The following ARHGAP15 variants were observed in gnomAD, a reference collection of about 807,000 sequenced individuals.
The protein encoded by ARHGAP15 is Rho GTPase activating protein 15.
Under a neutral mutation model 63.7 loss-of-function variants are expected in ARHGAP15, and 51 were observed. The observed-to-expected ratio is 0.80, with a 90% CI of 0.64 to 1.01. The LOEUF is 1.01. Among genes scored for constraint, ARHGAP15 ranks in the 50% least tolerant of loss-of-function variants. The pLI, the probability that ARHGAP15 is intolerant of heterozygous loss-of-function variation, is 0.00. For missense variants in ARHGAP15, 560 were observed against 564.6 expected (o/e 0.99, Z 0.08); for synonymous variants, 191 against 193.8 (o/e 0.99, Z 0.12).
chr2:143,270,167 T>C (rs998890152), intron 6 of ARHGAP15, among the ~76,000 whole-genome samples: 1 of 152,080 alleles, frequency 6.6e-6, no homozygotes, highest in African/African-American at 2.4e-5. Context: ...AGATGGGGTT[T>C]GCCACGTTGG....
intron 6 of ARHGAP15, among the ~76,000 whole-genome samples, chr2:143,420,010 T>C (rs16822484): frequency 0.032 from 4,872 of 152,254 alleles, 270 homozygotes; most frequent in African/African-American, 0.11. Flanking sequence ...AATTAGTTTG[T>C]CATCCAAAGA....
chr2:143,504,800 T>TGGGAGG (rs1693230493), intron 9 of ARHGAP15, among the ~76,000 whole-genome samples: 1 of 152,218 alleles, frequency 6.6e-6, no homozygotes, highest in African/African-American at 2.4e-5. Context: ...GCCAGCACTT[T>TGGGAGG]CTGAGAGTTA....
chr2:143,444,109 C>T (rs1574458711), intron 8 of ARHGAP15, among the ~76,000 whole-genome samples: 1 of 152,166 alleles, frequency 6.6e-6, no homozygotes, highest in Admixed American at 6.5e-5. Flanking sequence ...ACCCTATCTT[C>T]CTTCTGACCC....
chr2:143,450,162 T>C (rs1335254871), intron 8 of ARHGAP15, among the ~76,000 whole-genome samples: 82 of 151,472 alleles, frequency 5.4e-4, no homozygotes, highest in African/African-American at 2.0e-3. Flanking sequence ...GCTTTTTTTT[T>C]TTTTTTTAAA....
At chr2:143,173,195 A>G (rs1475866990) in intron 2 of ARHGAP15, among the ~76,000 whole-genome samples, 1 of 152,112 alleles carries the variant, frequency 6.6e-6, no homozygotes, top group Non-Finnish European at 1.5e-5. Flanking sequence ...GGTATATATG[A>G]CCTAAAAATA....
chr2:143,652,897 T>A (rs1163825770), intron 12 of ARHGAP15, among the ~76,000 whole-genome samples: 1 of 152,052 alleles, frequency 6.6e-6, no homozygotes, highest in African/African-American at 2.4e-5. Context: ...CTGGATACAT[T>A]TTTTTTCCTG....
chr2:143,605,379 G>A (rs1370238622), intron 11 of ARHGAP15, among the ~76,000 whole-genome samples: 2 of 151,996 alleles, frequency 1.3e-5, no homozygotes, highest in Non-Finnish European at 2.9e-5. Context: ...TTTTTCATGT[G>A]GTATTCTATT....
At chr2:143,589,021 AC>A (rs1697217526) in intron 11 of ARHGAP15, among the ~76,000 whole-genome samples, 2 of 151,864 alleles carry the variant, frequency 1.3e-5, no homozygotes, top group African/African-American at 4.8e-5. Context: ...CACCTATTAA[AC>A]TAGGCATGAA....
intron 8 of ARHGAP15, among the ~76,000 whole-genome samples, chr2:143,444,519 A>G (rs1574459152): frequency 6.6e-6 from 1 of 152,214 alleles, no homozygotes; most frequent in Non-Finnish European, 1.5e-5. Flanking sequence ...TTGAATGCAA[A>G]TGATCACCTC....
At chr2:143,336,932 A>T (rs975045229) in intron 6 of ARHGAP15, among the ~76,000 whole-genome samples, 5 of 152,122 alleles carry the variant, frequency 3.3e-5, no homozygotes, top group Admixed American at 6.6e-5. Context: ...CATGGATAAG[A>T]TTCCTATCAC....
intron 11 of ARHGAP15, among the ~76,000 whole-genome samples, chr2:143,559,988 C>A (rs1574634272): frequency 6.6e-6 from 1 of 152,302 alleles, no homozygotes; most frequent in South Asian, 2.1e-4. Flanking sequence ...GTAAGCCCTG[C>A]CCACTGTTAG....
chr2:143,491,006 C>A (rs1462939999), intron 9 of ARHGAP15, among the ~76,000 whole-genome samples: 1 of 152,164 alleles, frequency 6.6e-6, no homozygotes, highest in Non-Finnish European at 1.5e-5. Context: ...GAAAAAAATT[C>A]TGAATGATTG....
chr2:143,549,855 C>A (rs1290958170), intron 10 of ARHGAP15, among the ~76,000 whole-genome samples: 2 of 152,186 alleles, frequency 1.3e-5, no homozygotes, highest in Non-Finnish European at 2.9e-5. Context: ...ACTCACCACC[C>A]ATTTATCCTG....
At chr2:143,229,628 T>A (rs1355508961) in intron 5 of ARHGAP15, among the ~76,000 whole-genome samples, 2 of 152,086 alleles carry the variant, frequency 1.3e-5, no homozygotes, top group Admixed American at 6.6e-5. Flanking sequence ...ATCGGCCTGA[T>A]GGATGATAAG....
At chr2:143,167,289 C>T (rs1340474851) in intron 2 of ARHGAP15, among the ~76,000 whole-genome samples, 3 of 152,060 alleles carry the variant, frequency 2.0e-5, no homozygotes, top group Admixed American at 6.6e-5. Flanking sequence ...ATTCTTTATT[C>T]TTATCATGCC....
chr2:143,497,500 G>A (rs1692868345), intron 9 of ARHGAP15, among the ~76,000 whole-genome samples: 2 of 152,160 alleles, frequency 1.3e-5, no homozygotes, highest in Admixed American at 1.3e-4. Flanking sequence ...TCTCCAGCAG[G>A]TGTTCTTGTA....
intron 6 of ARHGAP15, among the ~76,000 whole-genome samples, chr2:143,263,645 A>G (rs2105025076): frequency 6.6e-6 from 1 of 152,330 alleles, no homozygotes; most frequent in East Asian, 1.9e-4. Context: ...GTAGATGTAG[A>G]CAAGGATCTG....
intron 8 of ARHGAP15, among the ~76,000 whole-genome samples, chr2:143,442,464 G>A (rs1261078508): frequency 6.6e-6 from 1 of 152,134 alleles, no homozygotes; most frequent in East Asian, 1.9e-4. Context: ...GCGATTAGGA[G>A]ACTCAGAATG....
rs1189492878 is a variant in ARHGAP15 at position 143,346,190 on chromosome 2, ACACT to A, written c.475-89409_475-89406del. Among the ~76,000 whole-genome samples the A allele has an allele frequency of 2.6e-4, 39 of 148,002 alleles. No homozygotes were observed. In the East Asian group the frequency reaches 6.0e-3, roughly 23 times the overall value. ...CACACACACTCTCTCTCTCACACAC[ACACT>A]CTCTCTCTCACACACACACTCTCTC... On this transcript the variant is annotated intron_variant, in intron 6 of 13. Transcript: ENST00000295095.
Sources: allele counts gnomAD v4.1 joint callset (sites outside exome capture counted in the v4.1 genomes callset), GRCh38; gene constraint gnomAD v4.1.1; transcripts MANE v1.5; gene names NCBI Gene and HGNC (gene_info 2026-07-23, HGNC 2026-07-21).